Variants in ARL6IP1 observed in about 807,000 individuals in gnomAD.
The protein encoded by ARL6IP1 is ADP-ribosylation factor-like protein 6-interacting protein 1.
ARL6IP1 carries 16 observed loss-of-function variants against 30.1 expected under a neutral mutation model. The observed-to-expected ratio is 0.53, with a 90% CI of 0.36 to 0.81. The LOEUF is 0.81. Ranked by LOEUF, ARL6IP1 falls within the 30% of genes least tolerant of loss-of-function variation. The pLI is 0.01. For synonymous variants in ARL6IP1, 72 were observed against 84.8 expected, an observed-to-expected ratio of 0.85 and a Z score of 0.83; for missense variants, 173 against 242.7, an observed-to-expected ratio of 0.71 and a Z score of 1.91.
Position 18,792,459 on chromosome 16 carries a change from A to G in ARL6IP1, c.*793T>C, listed in dbSNP as rs1322904683. ...ATAGACATGAGTCTTAACCTACTGTATACTATAGCTAATGTCAGCTGAAAA... is the reference window on the plus strand; with the variant it reads ...ATAGACATGAGTCTTAACCTACTGTGTACTATAGCTAATGTCAGCTGAAAA... On this transcript the variant is annotated 3_prime_UTR_variant, in exon 6 of 6. Transcript: ENST00000304414. The G allele has an allele frequency of 6.6e-6, 1 of 152,228 alleles. No individual in the cohort carries two copies. The highest frequency in any genetic ancestry group is 2.4e-5 in the African/African-American group (1 of 41,438). 9.4% of individuals were successfully genotyped at this position (152,228 alleles called of 1,614,324 possible). A position where few individuals can be genotyped will look rare whatever the true frequency, so the allele number is the denominator to read the frequency against.
At chr16:18,801,364 G>T (rs889642678) in intron 1 of ARL6IP1, 67 bp downstream of exon 1, 11 of 1,596,106 alleles carry the variant, frequency 6.9e-6, no homozygotes, top group Non-Finnish European at 9.4e-6. Context: ...ACGAGGCCGC[G>T]GTGTTTGAGC....
rs748985230 is a variant in ARL6IP1 at position 18,793,378 on chromosome 16, T to TA, written c.494-9dup. ...GCAATAGTAAGGAAGTCACTTAAAATAAAAAAAAACCCAACATTAAGGAGG... is the reference window on the plus strand; with the variant it reads ...GCAATAGTAAGGAAGTCACTTAAAATAAAAAAAAAACCCAACATTAAGGAGG... On this transcript the variant is annotated splice_polypyrimidine_tract_variant and intron_variant, in intron 5 of 5. Transcript: ENST00000304414. 984 of 1,477,894 alleles carry TA rather than the reference T, an allele frequency of 6.7e-4. No homozygotes were observed. The highest frequency in any genetic ancestry group is 1.0e-3 in the Admixed American group (49 of 47,442). 91.5% of individuals were successfully genotyped at this position (1,477,894 alleles called of 1,614,324 possible).
intron 1 of ARL6IP1, chr16:18,801,103 A>C: frequency 1.8e-6 from 2 of 1,090,050 alleles, no homozygotes; most frequent in Non-Finnish European, 2.4e-6. Flanking sequence ...TGAGCCGCGA[A>C]AGCGCTGGAC....
intron 5 of ARL6IP1, among the ~76,000 whole-genome samples, chr16:18,794,117 A>G (rs1372100820): frequency 1.3e-5 from 2 of 151,706 alleles, no homozygotes; most frequent in Non-Finnish European, 2.9e-5. Context: ...ACATCCAACT[A>G]ATTTTTGTAT....
In ARL6IP1 at chr16:18,800,916, C is replaced by T. The variant is rs1308121972; in HGVS notation, c.36+515G>A. Among the ~76,000 whole-genome samples the T allele has an allele frequency of 3.3e-5, 5 of 152,226 alleles. No individual in the cohort carries two copies. In the East Asian group the frequency reaches 9.6e-4, roughly 29 times the overall value. ...TTGTCTGTTCAGCTGGACCCCGCTC[C>T]CGGTTCCCCACGGTGAGCTCGCAGC... On this transcript the variant is annotated intron_variant, in intron 1 of 5. Coordinates refer to ENST00000304414, the MANE Select transcript of ARL6IP1 (RefSeq NM_015161.3).
rs1185495563 is a variant in ARL6IP1 at position 18,795,636 on chromosome 16, A to G, written c.291-55T>C. 5.3e-6 allele frequency: 6 copies of G among 1,131,924 alleles called. No homozygotes were observed. In the East Asian group the frequency reaches 1.4e-4, roughly 27 times the overall value. The allele number at this position is 1,131,924 out of a possible 1,614,324, so 70.1% of individuals were successfully genotyped here. On this transcript the variant is annotated intron_variant, in intron 3 of 5. Coordinates refer to ENST00000304414, the MANE Select transcript of ARL6IP1 (RefSeq NM_015161.3). ...ACAAATCGTTACAGTAGACAAAAAC[A>G]TGACACCCTGTTCAATTTAAGAGCT... is the stretch of plus-strand genomic sequence containing the variant.
chr16:18,800,769 A>G (rs1019755564), intron 1 of ARL6IP1, among the ~76,000 whole-genome samples: 11 of 152,322 alleles, frequency 7.2e-5, no homozygotes, highest in Middle Eastern at 3.4e-3. Context: ...GTGTCCGCCT[A>G]TGATACCATC....
At position 18,791,760 on chromosome 16, in the gene ARL6IP1, T is replaced by C. The variant is rs2030075986; in HGVS notation, c.*1492A>G. ...TAAAACTGCAAAAGTAGTTAATCAG[T>C]AGAATATGTATGCACACAAAAAATC... On this transcript the variant is annotated 3_prime_UTR_variant, in exon 6 of 6. Coordinates refer to ENST00000304414, the MANE Select transcript of ARL6IP1 (RefSeq NM_015161.3). 6.6e-6 allele frequency: 1 copy of C among 152,328 alleles called. No individual in the cohort carries two copies. Among genetic ancestry groups the C allele is most frequent in the Non-Finnish European group, 1.5e-5 (1 of 68,004 alleles). 9.4% of individuals were successfully genotyped at this position (152,328 alleles called of 1,614,324 possible). A position where few individuals can be genotyped will look rare whatever the true frequency, so the allele number is the denominator to read the frequency against.
Position 18,801,140 on chromosome 16 carries a change from C to T in ARL6IP1, c.36+291G>A. 1.3e-5 allele frequency: 18 copies of T among 1,338,542 alleles called. No homozygotes were observed. In the South Asian group the frequency reaches 2.1e-4, roughly 16 times the overall value. The allele number at this position is 1,338,542 out of a possible 1,614,324, so 82.9% of individuals were successfully genotyped here. On this transcript the variant is annotated intron_variant, in intron 1 of 5. Transcript: ENST00000304414. ...GGCCCCAGGAGGCCTTCTGCCCCCA[C>T]CCGCACCCCAGGCTAGTGTCGCAGC... is the stretch of plus-strand genomic sequence containing the variant.
rs768437472 is a variant in ARL6IP1, at chr16:18,793,109, G to A, written c.*143C>T. 3.1e-5 allele frequency: 18 copies of A among 584,098 alleles called. No homozygotes were observed. Among genetic ancestry groups the A allele is most frequent in the Non-Finnish European group, 4.8e-5 (16 of 332,488 alleles). The allele number at this position is 584,098 out of a possible 1,614,324, so 36.2% of individuals were successfully genotyped here. On this transcript the variant is annotated 3_prime_UTR_variant, in exon 6 of 6. Coordinates refer to ENST00000304414, the MANE Select transcript of ARL6IP1 (RefSeq NM_015161.3). ...CACTATGCACGAAGCCTTACTTGGC[G>A]AGTCTGAATTTCTATTAACTAAGGG...
chr16:18,801,133 G>A, intron 1 of ARL6IP1: 2 of 1,320,170 alleles, frequency 1.5e-6, no homozygotes, highest in South Asian at 1.6e-5. Flanking sequence ...GAGGCCTTCT[G>A]CCCCCACCCG....
At chr16:18,794,729 CATAA>C in intron 4 of ARL6IP1, 46 bp from the exon 5 acceptor site, 1 of 1,297,720 alleles carries the variant, frequency 7.7e-7, no homozygotes, top group East Asian at 2.4e-5. Context: ...CATGTGACAC[CATAA>C]ATATATGTAA....
chr16:18,794,560 T>C, intron 5 of ARL6IP1, 39 bp downstream of exon 5: 1 of 1,498,706 alleles, frequency 6.7e-7, no homozygotes, highest in South Asian at 1.2e-5. Context: ...TAAATTTCAC[T>C]GGCCAGGATG....
Position 18,794,651 on chromosome 16 carries a change from C to A in ARL6IP1, c.441G>T (p.Ala147=), listed in dbSNP as rs369824026. ...GGACTTGTTGTCCCACCCAAGCAAC[C>A]GCAGCAAGGGAAACGATCATGGTCA... ...YFMTMIVSLA[A]VAWVGQQVHN... The change falls in exon 5 of 6, where the codon GCG becomes GCT. Residue 147 remains alanine, a synonymous_variant. Transcript: ENST00000304414. The A allele has an allele frequency of 1.9e-6, 3 of 1,613,046 alleles. No homozygotes were observed. The South Asian group carries it at 3.3e-5, about 18-fold the overall frequency.
chr16:18,794,819 A>G (rs981845933), intron 4 of ARL6IP1, 136 bp from the exon 5 acceptor site: 24 of 567,194 alleles, frequency 4.2e-5, no homozygotes, highest in Non-Finnish European at 7.0e-5. Context: ...ACTTTTCTTT[A>G]AAAATTCTTA....
chr16:18,798,572 ATTCTTTATGGG>A lies in ARL6IP1; in HGVS notation c.170+118_170+128del, dbSNP rs1168195053. ...GAAACTAGAAGTGCTTATGAGAAACATTCTTTATGGGTTCTTTATGGGTTATATATTACAGA... is the reference window on the plus strand; with the variant it reads ...GAAACTAGAAGTGCTTATGAGAAACATTCTTTATGGGTTATATATTACAGA... On this transcript the variant is annotated intron_variant, in intron 2 of 5. Transcript: ENST00000304414. 11 of 1,034,108 alleles carry A rather than the reference ATTCTTTATGGG, an allele frequency of 1.1e-5. No homozygotes were observed. In the Admixed American group the frequency reaches 2.0e-4, roughly 19 times the overall value. 64.1% of individuals were successfully genotyped at this position (1,034,108 alleles called of 1,614,324 possible).
intron 5 of ARL6IP1, 46 bp from the exon 6 acceptor site, chr16:18,793,416 T>A: frequency 9.9e-7 from 1 of 1,013,584 alleles, no homozygotes; most frequent in Non-Finnish European, 1.5e-6. Context: ...GCAATTAACC[T>A]GCTAAAGGTT....
At chr16:18,797,864 C>A in intron 3 of ARL6IP1, 61 bp downstream of exon 3, 1 of 1,574,378 alleles carries the variant, frequency 6.4e-7, no homozygotes, top group Admixed American at 1.9e-5. Flanking sequence ...GCATACTAAT[C>A]ACAGCCACCA....
intron 5 of ARL6IP1, among the ~76,000 whole-genome samples, chr16:18,793,988 TG>T (rs551401994): frequency 2.0e-4 from 28 of 143,498 alleles, no homozygotes; most frequent in African/African-American, 5.9e-4. Flanking sequence ...CGGTGGTGGG[TG>T]GGGGGGGTGG....
Sources: gnomAD v4.1 joint callset for allele counts (sites outside exome capture counted in the v4.1 genomes callset) on GRCh38, gnomAD v4.1.1 for gene constraint, MANE v1.5 for transcripts, NCBI Gene and HGNC (gene_info 2026-07-23, HGNC 2026-07-21) for gene names.